Variants in GTPBP6 observed in about 807,000 individuals in gnomAD.
The protein encoded by GTPBP6 is GTP binding protein 6.
A neutral mutation model predicts 28.9 loss-of-function variants in GTPBP6; 33 were observed. That is an observed-to-expected ratio of 1.14 (90% CI 0.87 to 1.53). GTPBP6 has a LOEUF of 1.53. Among genes scored for constraint, GTPBP6 ranks in the 40% most tolerant of loss-of-function variants. The probability of loss-of-function intolerance (pLI) is 0.00; values close to 1 mark genes in which losing one functional copy is unlikely to be tolerated. For synonymous variants in GTPBP6, 231 were observed against 192.7 expected, an observed-to-expected ratio of 1.20 and a Z score of -1.65; for missense variants, 507 against 408.3, an observed-to-expected ratio of 1.24 and a Z score of -2.08.
intron 2 of GTPBP6, among the ~76,000 whole-genome samples, chrX:316,321 G>A (rs1478248464): frequency 7.9e-6 from 1 of 127,152 alleles, no homozygotes; most frequent in African/African-American, 2.9e-5. Flanking sequence ...CACATGCACC[G>A]TGGACACATC....
At chrX:312,991 G>A (rs1421346001) in intron 5 of GTPBP6, 67 bp from the exon 6 acceptor site, 69 of 1,450,222 alleles carry the variant, frequency 4.8e-5, no homozygotes, top group African/African-American at 8.5e-5. Context: ...GGGCGGTGCC[G>A]CGGAGGGTCT....
intron 9 of GTPBP6, among the ~76,000 whole-genome samples, chrX:305,709 C>T (rs1207035752): frequency 6.7e-6 from 1 of 149,876 alleles, no homozygotes; most frequent in African/African-American, 2.5e-5. Context: ...ACTGCAACCT[C>T]GGCCTCCTGG....
chrX:309,123 G>A (rs1050514448), intron 7 of GTPBP6, among the ~76,000 whole-genome samples: 6 of 152,122 alleles, frequency 3.9e-5, no homozygotes, highest in Admixed American at 3.9e-4. Flanking sequence ...CCGTTCTTTG[G>A]GACATTTGCT....
At chrX:307,866 G>A (rs753788288) in exon 8 of GTPBP6, 6 of 1,532,392 alleles carry the variant, frequency 3.9e-6, no homozygotes, top group East Asian at 2.3e-5. Context: ...CGTCCCTCAC[G>A]TGCAAGATGA....
chrX:315,462 G>C lies in GTPBP6; in HGVS notation c.488-163C>G, dbSNP rs1262819051. Among the ~76,000 whole-genome samples, 224 of 152,178 alleles carry C rather than the reference G, an allele frequency of 1.5e-3. 1 individual carries two copies. The highest frequency in any genetic ancestry group is 5.0e-3 in the African/African-American group (207 of 41,476). On this transcript the variant is annotated intron_variant, in intron 2 of 9. Coordinates refer to ENST00000326153, the Ensembl canonical transcript of GTPBP6. ...CGGGATCCAGGAAGTCAGCGTGGGAGGGGGTGTGTCTCTAGGAGTGTGTGT... is the reference window on the plus strand; with the variant it reads ...CGGGATCCAGGAAGTCAGCGTGGGACGGGGTGTGTCTCTAGGAGTGTGTGT...
intron 5 of GTPBP6, 115 bp downstream of exon 5, chrX:314,035 C>T (rs778319238): frequency 6.7e-5 from 56 of 832,046 alleles, no homozygotes; most frequent in African/African-American, 3.0e-4. Context: ...TACCAGGAGA[C>T]GGAGACCCCA....
chrX:307,384 A>C (rs769764209), exon 9 of GTPBP6: 8 of 1,612,338 alleles, frequency 5.0e-6, no homozygotes, highest in Non-Finnish European at 5.1e-6. Context: ...TGCGAGCCTC[A>C]CACGGAGAGT....
chrX:305,237 CG>C (rs766229244), intron 9 of GTPBP6, 40 bp from the exon 10 acceptor site: 8 of 1,443,626 alleles, frequency 5.5e-6, no homozygotes, highest in South Asian at 2.3e-5. Context: ...AAGCAGAACC[CG>C]TAAGTATTTG....
chrX:315,321 G>A (rs1214354687), intron 2 of GTPBP6, 22 bp from the exon 3 acceptor site: 110,208 of 398,232 alleles, frequency 0.28, 16,800 homozygotes, highest in South Asian at 0.47. Context: ...AGGGGGTCCC[G>A]TCAGAGGCTG....
rs376827735 is a variant in GTPBP6 at position 311,422 on chromosome X, G to A, written c.1122C>T (p.His374=). 2.2e-5 allele frequency: 30 copies of A among 1,333,542 alleles called. No homozygotes were observed. The East Asian group carries it at 2.6e-4, about 11-fold the overall frequency. 82.6% of individuals were successfully genotyped at this position (1,333,542 alleles called of 1,614,324 possible). ...TCCCCGGCCGTCCCACGCTCACCGAGTGGGCCACGTCTTCCAGGGTGGCGG... is the reference window on the plus strand; with the variant it reads ...TCCCCGGCCGTCCCACGCTCACCGAATGGGCCACGTCTTCCAGGGTGGCGG... Residue 374 remains histidine, a synonymous_variant, in exon 7 of 10, where the codon CAC becomes CAT. Coordinates refer to ENST00000326153, the Ensembl canonical transcript of GTPBP6.
chrX:311,512 GGTCATGC>G lies in GTPBP6; in HGVS notation c.1025_1031del (p.Arg342ProfsTer38). 2 of 1,612,276 alleles carry G rather than the reference GGTCATGC, an allele frequency of 1.2e-6. No individual in the cohort carries two copies. The highest frequency in any genetic ancestry group is 1.7e-6 in the Non-Finnish European group (2 of 1,179,496). On this transcript the variant is annotated frameshift_variant, in exon 7 of 10. Coordinates refer to ENST00000326153, the Ensembl canonical transcript of GTPBP6. LOFTEE classifies it high-confidence loss of function. ...AGCCGATGGTGTCCACGTACAGGAC[GGTCATGC>G]GTGAGGGCAGCGTGCCCGCGTGGGC...
intron 5 of GTPBP6, among the ~76,000 whole-genome samples, chrX:313,912 C>T (rs2070367854): frequency 6.6e-6 from 1 of 152,194 alleles, no homozygotes; most frequent in Non-Finnish European, 1.5e-5. Flanking sequence ...GGCAAAACCT[C>T]CAAAAACCAC....
intron 5 of GTPBP6, 100 bp from the exon 6 acceptor site, chrX:313,024 C>T (rs1404538461): frequency 3.0e-5 from 31 of 1,031,444 alleles, no homozygotes; most frequent in East Asian, 2.3e-4. Flanking sequence ...GGCCTGCTCC[C>T]GCTCCAGCAT....
Position 311,239 on chromosome X carries a change from G to A in GTPBP6, c.1125+180C>T, listed in dbSNP as rs1310940817. Among the ~76,000 whole-genome samples, 3 of 99,316 alleles carry A rather than the reference G, an allele frequency of 3.0e-5. No individual in the cohort carries two copies. In the East Asian group the frequency reaches 9.9e-4, roughly 33 times the overall value. 65.2% of individuals were successfully genotyped at this position (99,316 alleles called of 152,430 possible). On this transcript the variant is annotated intron_variant, in intron 7 of 9. Coordinates refer to ENST00000326153, the Ensembl canonical transcript of GTPBP6. ...GGCTTTGTGTGTGTCTGAGTGCCTGGTCCCCGTGCCCAGTGGGTGTCCGAG... is the reference window on the plus strand; with the variant it reads ...GGCTTTGTGTGTGTCTGAGTGCCTGATCCCCGTGCCCAGTGGGTGTCCGAG...
At chrX:307,476 A>T (rs1396667557) in exon 9 of GTPBP6, 4 of 1,610,954 alleles carry the variant, frequency 2.5e-6, no homozygotes, top group Non-Finnish European at 3.4e-6. Flanking sequence ...CCCGCAGGGC[A>T]GACACGGGCA....
chrX:312,042 CCG>C, intron 6 of GTPBP6: 1 of 452,404 alleles, frequency 2.2e-6, no homozygotes, highest in South Asian at 1.8e-5. Context: ...GGCAGTGGTG[CCG>C]GTGTTGACAG....
In GTPBP6 at chrX:316,299, CAG is replaced by C. The variant is rs1316747662; in HGVS notation, c.487+613_487+614del. 1.7e-3 allele frequency among the ~76,000 whole-genome samples: 76 copies of C among 43,564 alleles called. 30 individuals are homozygous for C. The highest frequency in any genetic ancestry group is 4.1e-3 in the Non-Finnish European group (62 of 14,968). The allele number at this position is 43,564 out of a possible 152,430, so 28.6% of individuals were successfully genotyped here. On this transcript the variant is annotated intron_variant, in intron 2 of 9. Coordinates refer to ENST00000326153, the Ensembl canonical transcript of GTPBP6. ...CACAGTAAATACATCCCGACAGGGA[CAG>C]ACACACACACACATGCACCGTGGAC...
intron 1 of GTPBP6, among the ~76,000 whole-genome samples, chrX:317,569 T>G (rs1243559567): frequency 0.22 from 25,313 of 117,448 alleles, 2,829 homozygotes; most frequent in Non-Finnish European, 0.25. Flanking sequence ...GGGTGGGGGG[T>G]GGGACTAGAC....
chrX:307,505 G>T (rs760079363), exon 9 of GTPBP6: 58 of 1,610,876 alleles, frequency 3.6e-5, no homozygotes, highest in Non-Finnish European at 4.7e-5. Flanking sequence ...GGTTCCGTGG[G>T]GCTGTACCTG....
Sources: gnomAD v4.1 joint callset for allele counts (sites outside exome capture counted in the v4.1 genomes callset) on GRCh38, gnomAD v4.1.1 for gene constraint, MANE v1.5 for transcripts, NCBI Gene and HGNC (gene_info 2026-07-23, HGNC 2026-07-21) for gene names.